CDC6: variants seen among roughly 807,000 people sequenced by gnomAD.
CDC6 encodes the protein DNA replication factor CDC6.
A neutral mutation model predicts 60.2 loss-of-function variants in CDC6; 46 were observed. The ratio of observed to expected loss-of-function variants is 0.76; its 90% CI spans 0.60 to 0.98. The LOEUF (loss-of-function observed/expected upper bound fraction) is 0.98, where lower values mean the gene tolerates loss of function less well. Among genes scored for constraint, CDC6 ranks in the 50% least tolerant of loss-of-function variants. The pLI is 0.00. For missense variants in CDC6, 596 were observed against 652.9 expected (o/e 0.91, Z 0.95); for synonymous variants, 210 against 233.2 (o/e 0.90, Z 0.90).
chr17:40,292,757 G>A (rs1264824074), intron 4 of CDC6, among the ~76,000 whole-genome samples: 3 of 151,004 alleles, frequency 2.0e-5, no homozygotes, highest in Non-Finnish European at 2.9e-5. Flanking sequence ...GTGAAACCCC[G>A]TCTCTACTAA....
In CDC6 at chr17:40,296,785, T is replaced by A; in HGVS notation, c.1249+18T>A. The A allele has an allele frequency of 6.7e-7, 1 of 1,488,798 alleles. No individual in the cohort carries two copies. 92.2% of individuals were successfully genotyped at this position (1,488,798 alleles called of 1,614,324 possible). The stretch of plus-strand genomic sequence containing the variant: ...GTCTGAATGTAAGTAGTTTATCTCC[T>A]TCCTGTCTTCCTTTGTAACTAGAAG... On this transcript the variant is annotated intron_variant, in intron 9 of 11. Coordinates refer to ENST00000209728, the MANE Select transcript of CDC6 (RefSeq NM_001254.4).
intron 1 of CDC6, among the ~76,000 whole-genome samples, chr17:40,288,446 C>G (rs1216410274): frequency 1.3e-5 from 2 of 151,420 alleles, no homozygotes; most frequent in African/African-American, 2.4e-5. Flanking sequence ...GAGACGGAGT[C>G]TCGCTCTTGT....
At chr17:40,299,136 G>GTTTTTTTT (rs2032900365) in intron 9 of CDC6, among the ~76,000 whole-genome samples, 9 of 101,634 alleles carry the variant, frequency 8.9e-5, no homozygotes, top group Admixed American at 2.0e-4. Context: ...TAAGGCCATA[G>GTTTTTTTT]TCTTTTTTTT....
At chr17:40,290,098 A>C (rs1598513418) in intron 2 of CDC6, among the ~76,000 whole-genome samples, 1 of 152,184 alleles carries the variant, frequency 6.6e-6, no homozygotes, top group African/African-American at 2.4e-5. Flanking sequence ...TTAGACACTT[A>C]CTGAGGTCAC....
At chr17:40,292,873 T>G (rs1272893490) in intron 4 of CDC6, among the ~76,000 whole-genome samples, 1 of 150,272 alleles carries the variant, frequency 6.7e-6, no homozygotes. Flanking sequence ...GAGCTTGCAG[T>G]GAGCCGAGAT....
At position 40,296,775 on chromosome 17, in the gene CDC6, G is replaced by A. The variant is rs200162334; in HGVS notation, c.1249+8G>A. ...TCAAACCACTGTCTGAATGTAAGTA[G>A]TTTATCTCCTTCCTGTCTTCCTTTG... On this transcript the variant is annotated splice_region_variant and intron_variant, in intron 9 of 11. Transcript: ENST00000209728. The A allele has an allele frequency of 1.3e-6, 2 of 1,561,846 alleles. No individual in the cohort carries two copies. Among genetic ancestry groups the A allele is most frequent in the Non-Finnish European group, 1.8e-6 (2 of 1,132,436 alleles).
chr17:40,295,383 G>T lies in CDC6; in HGVS notation c.1111G>T (p.Ala371Ser). 2 of 1,613,352 alleles carry T rather than the reference G, an allele frequency of 1.2e-6. No homozygotes were observed. Among genetic ancestry groups the T allele is most frequent in the Non-Finnish European group, 8.5e-7 (1 of 1,179,424 alleles). ...QVSRDQVLDN[A>S]AVQFCARKVS... is the part of the protein sequence containing the mutation. Reference sequence around the variant, plus strand: ...ATCTAGAGATCAGGTTCTGGACAATGCTGCAGTTCAATTCTGTGCCCGCAA... The same window carrying T: ...ATCTAGAGATCAGGTTCTGGACAATTCTGCAGTTCAATTCTGTGCCCGCAA... Residue 371 changes from alanine (A) to serine (S), a missense_variant, in exon 8 of 12, where the codon GCT becomes TCT. Transcript: ENST00000209728.
Position 40,302,968 on chromosome 17 carries a change from G to C in CDC6, c.*967G>C, listed in dbSNP as rs1349062748. The C allele has an allele frequency of 1.3e-5, 2 of 152,210 alleles. No homozygotes were observed. The highest frequency in any genetic ancestry group is 2.9e-5 in the Non-Finnish European group (2 of 68,034). 9.4% of individuals were successfully genotyped at this position (152,210 alleles called of 1,614,324 possible). ...GATTTCAAGAGAGCTCAAGCTTTCA[G>C]AAGTCAATGTGAAAATTCCTTCCTA... On this transcript the variant is annotated 3_prime_UTR_variant, in exon 12 of 12. Coordinates refer to ENST00000209728, the MANE Select transcript of CDC6 (RefSeq NM_001254.4).
At chr17:40,297,199 G>A (rs1460129493) in intron 9 of CDC6, among the ~76,000 whole-genome samples, 3 of 152,208 alleles carry the variant, frequency 2.0e-5, no homozygotes, top group Admixed American at 6.5e-5. Context: ...CACTTTGGGA[G>A]GCCAAGGCGG....
In CDC6 at chr17:40,296,687, G is replaced by T; in HGVS notation, c.1185-16G>T. 6.5e-7 allele frequency: 1 copy of T among 1,539,082 alleles called. No individual in the cohort carries two copies. Among genetic ancestry groups the T allele is most frequent in the Non-Finnish European group, 9.0e-7 (1 of 1,111,838 alleles). On this transcript the variant is annotated splice_polypyrimidine_tract_variant and intron_variant, in intron 8 of 11. Coordinates refer to ENST00000209728, the MANE Select transcript of CDC6 (RefSeq NM_001254.4). ...TTTGGCTCAGACTAAATTAATTTTA[G>T]AAATTTTTTTTATAGGAGAGCTATT...
At chr17:40,290,467 G>T (rs1444780167) in intron 2 of CDC6, among the ~76,000 whole-genome samples, 1 of 152,172 alleles carries the variant, frequency 6.6e-6, no homozygotes, top group Non-Finnish European at 1.5e-5. Flanking sequence ...TTTGGTCCAA[G>T]ATGTCAGTGG....
rs2032715130 is a variant in CDC6 at position 40,289,417 on chromosome 17, C to T, written c.-4C>T. On this transcript the variant is annotated 5_prime_UTR_variant, in exon 2 of 12. Coordinates refer to ENST00000209728, the MANE Select transcript of CDC6 (RefSeq NM_001254.4). ...ATTTTTTTTAATCTAGCTGTGCTGT[C>T]GTCATGCCTCAAACCCGATCCCAGG... 3.1e-6 allele frequency: 5 copies of T among 1,613,318 alleles called. No homozygotes were observed. Among genetic ancestry groups the T allele is most frequent in the Middle Eastern group, 1.7e-4 (1 of 6,060 alleles).
rs147186134 is a variant in CDC6 at position 40,291,648 on chromosome 17, C to T, written c.640C>T (p.Arg214Trp). 167 of 1,614,136 alleles carry T rather than the reference C, an allele frequency of 1.0e-4. 1 individual carries two copies. The African/African-American group carries it at 1.9e-3, about 18-fold the overall frequency. ...PGTGKTACLS[R>W]ILQDLKKELK... ...AACTGGAAAAACTGCCTGCTTAAGC[C>T]GGATTCTGCAAGACCTCAAGGTACA... The change falls in exon 4 of 12, where the codon CGG (arginine) becomes TGG (tryptophan). Residue 214 changes from arginine (R) to tryptophan (W), a missense_variant. Physicochemically the swap from Arg to Trp is moderately radical, Grantham distance 101. Coordinates refer to ENST00000209728, the MANE Select transcript of CDC6 (RefSeq NM_001254.4).
At chr17:40,292,696 G>A (rs1487156448) in intron 4 of CDC6, among the ~76,000 whole-genome samples, 2 of 151,960 alleles carry the variant, frequency 1.3e-5, no homozygotes, top group East Asian at 1.9e-4. Context: ...TTGGGAGGCC[G>A]AGGCGGGCGG....
In CDC6 at chr17:40,291,429, C is replaced by T. The variant is rs774625193; in HGVS notation, c.461-40C>T. 7 of 1,612,492 alleles carry T rather than the reference C, an allele frequency of 4.3e-6. No homozygotes were observed. In the Admixed American group the frequency reaches 1.0e-4, roughly 23 times the overall value. On this transcript the variant is annotated intron_variant, in intron 3 of 11. Coordinates refer to ENST00000209728, the MANE Select transcript of CDC6 (RefSeq NM_001254.4). Reference sequence around the variant, plus strand: ...ACCACCCACTGGGTCTTCTCATTCACCTTCTGTTGTGTCTAATTGACCTTT... The same window carrying T: ...ACCACCCACTGGGTCTTCTCATTCATCTTCTGTTGTGTCTAATTGACCTTT...
In CDC6 at chr17:40,291,235, A is replaced by G. The variant is rs2032756551; in HGVS notation, c.356A>G (p.Lys119Arg). 1 of 1,614,206 alleles carries G rather than the reference A, an allele frequency of 6.2e-7. No individual in the cohort carries two copies. Residue 119 changes from lysine to arginine, a missense_variant, in exon 3 of 12, where the codon AAA becomes AGA. Transcript: ENST00000209728. ...KRELAKVHQN[K>R]ILSSVRKSQE... ...GAACTAGCCAAAGTTCACCAAAACA[A>G]AATACTTTCTTCAGTTAGAAAAAGT... is the stretch of plus-strand genomic sequence containing the variant.
At chr17:40,288,970 G>A (rs1430844181) in intron 1 of CDC6, among the ~76,000 whole-genome samples, 1 of 152,192 alleles carries the variant, frequency 6.6e-6, no homozygotes, top group East Asian at 1.9e-4. Flanking sequence ...CAAAGTGCTG[G>A]GATTACAGGC....
intron 1 of CDC6, 73 bp from the exon 2 acceptor site, chr17:40,289,335 T>G: frequency 8.5e-7 from 1 of 1,181,590 alleles, no homozygotes. Context: ...TCAGTATAAA[T>G]AAATTCCATG....
In CDC6 at chr17:40,301,829, T is replaced by C. The variant is rs964588204; in HGVS notation, c.1594-83T>C. ...CTTGCTTGCCTTTTGTGAGAAAAAG[T>C]TTAATATGGTAGAAGTTTGTATACT... On this transcript the variant is annotated intron_variant, in intron 11 of 11. Transcript: ENST00000209728. The C allele has an allele frequency of 2.9e-6, 3 of 1,044,786 alleles. No individual in the cohort carries two copies. The African/African-American group carries it at 4.7e-5, about 16-fold the overall frequency. 64.7% of individuals were successfully genotyped at this position (1,044,786 alleles called of 1,614,324 possible).
Sources: allele counts gnomAD v4.1 joint callset (sites outside exome capture counted in the v4.1 genomes callset), GRCh38; gene constraint gnomAD v4.1.1; transcripts MANE v1.5; gene names NCBI Gene and HGNC (gene_info 2026-07-23, HGNC 2026-07-21).